ATXN7L1: variants seen among roughly 807,000 people sequenced by gnomAD.
ATXN7L1 encodes ataxin 7 like 1, also known as ataxin-7-like protein 1.
Under a neutral mutation model 70.8 loss-of-function variants are expected in ATXN7L1, and 15 were observed. That is an observed-to-expected ratio of 0.21 (90% confidence interval 0.14 to 0.33). The LOEUF (loss-of-function observed/expected upper bound fraction) is 0.33, where lower values mean the gene tolerates loss of function less well. Among genes scored for constraint, ATXN7L1 ranks in the 10% least tolerant of loss-of-function variants. The pLI is 1.00. For synonymous variants in ATXN7L1, 440 were observed against 445.1 expected (o/e 0.99, Z 0.14); for missense variants, 975 against 1,097.1 (o/e 0.89, Z 1.57).
rs142267369 is a variant in ATXN7L1 at position 105,714,300 on chromosome 7, G to A, written c.356-49012C>T. 1.1e-3 allele frequency among the ~76,000 whole-genome samples: 166 copies of A among 152,274 alleles called. 1 individual carries two copies. The highest frequency in any genetic ancestry group is 1.0e-3 in the Non-Finnish European group (69 of 68,026). ...CAGATGGAGCCCACAGCTCTGGATCGGAGGCATCAGTGCCTCTGGCAGGAA... is the reference window on the plus strand; with the variant it reads ...CAGATGGAGCCCACAGCTCTGGATCAGAGGCATCAGTGCCTCTGGCAGGAA... On this transcript the variant is annotated intron_variant, in intron 3 of 11. Transcript: ENST00000419735.
Position 105,607,582 on chromosome 7 carries a change from T to G in ATXN7L1, c.*270A>C. On this transcript the variant is annotated 3_prime_UTR_variant, in exon 12 of 12. Transcript: ENST00000419735. ...AGGAGCTAGGGGAGTGACCCCAAAT[T>G]TGGAAGAATGTAAAAACATGGCAAA... The G allele has an allele frequency of 2.0e-6, 1 of 503,476 alleles. No homozygotes were observed. Among genetic ancestry groups the G allele is most frequent in the Non-Finnish European group, 3.6e-6 (1 of 280,960 alleles). 31.2% of individuals were successfully genotyped at this position (503,476 alleles called of 1,614,324 possible).
At chr7:105,761,035 A>G in intron 3 of ATXN7L1, 1 of 471,080 alleles carries the variant, frequency 2.1e-6, no homozygotes, top group Non-Finnish European at 2.8e-6. Flanking sequence ...TTTGATTTTG[A>G]TTCTGACTTC....
At chr7:105,824,391 A>C (rs1032166431) in intron 2 of ATXN7L1, among the ~76,000 whole-genome samples, 11 of 152,192 alleles carry the variant, frequency 7.2e-5, no homozygotes, top group Non-Finnish European at 1.5e-4. Flanking sequence ...ATAACCAGGA[A>C]TAGAGGAATA....
chr7:105,820,115 T>G, intron 2 of ATXN7L1: 1 of 142,820 alleles, frequency 7.0e-6, no homozygotes, highest in Non-Finnish European at 1.4e-5. Context: ...CAGTAAAGAC[T>G]GTTTATTCCT....
At chr7:105,746,112 T>C (rs1213597288) in intron 3 of ATXN7L1, among the ~76,000 whole-genome samples, 2 of 152,164 alleles carry the variant, frequency 1.3e-5, no homozygotes, top group Non-Finnish European at 2.9e-5. Context: ...GGCCCTATTT[T>C]CCAAACATAT....
At chr7:105,782,144 A>G (rs1392571644) in intron 3 of ATXN7L1, among the ~76,000 whole-genome samples, 2 of 152,108 alleles carry the variant, frequency 1.3e-5, no homozygotes, top group Non-Finnish European at 2.9e-5. Flanking sequence ...TAGAGCTGGA[A>G]TTTTAATCTA....
At chr7:105,653,512 C>A (rs1584530641) in intron 4 of ATXN7L1, among the ~76,000 whole-genome samples, 1 of 152,188 alleles carries the variant, frequency 6.6e-6, no homozygotes, top group Non-Finnish European at 1.5e-5. Context: ...CAGTTAGAAA[C>A]CAGCTCTTCC....
At chr7:105,813,648 A>G (rs1443871639) in intron 2 of ATXN7L1, among the ~76,000 whole-genome samples, 1 of 152,146 alleles carries the variant, frequency 6.6e-6, no homozygotes, top group East Asian at 1.9e-4. Context: ...ACAATCTATA[A>G]TTTTAATAAT....
rs1792707999 is a variant in ATXN7L1 at position 105,605,178 on chromosome 7, G to A, written c.*2674C>T. The A allele has an allele frequency of 6.6e-6, 1 of 151,586 alleles. No individual in the cohort carries two copies. The highest frequency in any genetic ancestry group is 6.6e-5 in the Admixed American group (1 of 15,158). 9.4% of individuals were successfully genotyped at this position (151,586 alleles called of 1,614,324 possible). On this transcript the variant is annotated 3_prime_UTR_variant, in exon 12 of 12. Coordinates refer to ENST00000419735, the MANE Select transcript of ATXN7L1 (RefSeq NM_020725.2). ...GGCAAAGAGGGGTGTGTGCAGTCAA[G>A]GGGCTGGGAGAGAAGACTGAGTGGG...
At chr7:105,689,647 T>C (rs1275035460) in intron 3 of ATXN7L1, among the ~76,000 whole-genome samples, 1 of 152,080 alleles carries the variant, frequency 6.6e-6, no homozygotes, top group Non-Finnish European at 1.5e-5. Context: ...CAACCAGACA[T>C]ACGGAGGAGG....
intron 2 of ATXN7L1, among the ~76,000 whole-genome samples, chr7:105,871,590 C>G (rs1818276222): frequency 6.6e-6 from 1 of 151,916 alleles, no homozygotes; most frequent in African/African-American, 2.4e-5. Context: ...CATGCCTGGA[C>G]TCCCAGCTAC....
intron 5 of ATXN7L1, among the ~76,000 whole-genome samples, chr7:105,640,577 A>G (rs1376393361): frequency 2.0e-5 from 3 of 152,154 alleles, no homozygotes; most frequent in Non-Finnish European, 1.5e-5. Context: ...TCCGTTACCC[A>G]GGCTGAAGTG....
intron 7 of ATXN7L1, among the ~76,000 whole-genome samples, chr7:105,625,831 T>C (rs1202859214): frequency 6.6e-6 from 1 of 152,226 alleles, no homozygotes; most frequent in Non-Finnish European, 1.5e-5. Flanking sequence ...TGAGGAATAG[T>C]CACAGTTAAC....
At chr7:105,685,570 G>C (rs1225195922) in intron 3 of ATXN7L1, among the ~76,000 whole-genome samples, 1 of 152,154 alleles carries the variant, frequency 6.6e-6, no homozygotes, top group African/African-American at 2.4e-5. Context: ...AAAGAAAAAG[G>C]AGTGGGTCTT....
chr7:105,661,264 T>A (rs929130535), intron 4 of ATXN7L1, among the ~76,000 whole-genome samples: 8 of 152,152 alleles, frequency 5.3e-5, no homozygotes, highest in Non-Finnish European at 1.2e-4. Context: ...CAATAGGTGC[T>A]CATTAAATGT....
intron 2 of ATXN7L1, among the ~76,000 whole-genome samples, chr7:105,830,972 C>G (rs949411290): frequency 1.3e-5 from 2 of 152,238 alleles, no homozygotes; most frequent in Non-Finnish European, 2.9e-5. Flanking sequence ...CCTGGGATAC[C>G]TTGGAAGTAT....
At chr7:105,619,512 AT>A (rs1562900454) in intron 9 of ATXN7L1, among the ~76,000 whole-genome samples, 19 of 14,706 alleles carry the variant, frequency 1.3e-3, no homozygotes, top group Admixed American at 5.8e-3. Context: ...ATATATATAT[AT>A]ATATATATAT....
intron 3 of ATXN7L1, chr7:105,679,097 C>T: frequency 1.0e-6 from 1 of 986,116 alleles, no homozygotes; most frequent in South Asian, 4.7e-5. Flanking sequence ...GAGGCTGACA[C>T]ACGCTGGGCA....
rs146001833 is a variant in ATXN7L1, at chr7:105,612,475, G to T, written c.2472+1387C>A. 2.6e-5 allele frequency among the ~76,000 whole-genome samples: 4 copies of T among 151,916 alleles called. No individual in the cohort carries two copies. The East Asian group carries it at 7.7e-4, about 29-fold the overall frequency. ...GCCCAGGCCTGCTGATTGAGAATCTGCATGTTCACAAGCCCCCCGGGGGAT... is the reference window on the plus strand; with the variant it reads ...GCCCAGGCCTGCTGATTGAGAATCTTCATGTTCACAAGCCCCCCGGGGGAT... On this transcript the variant is annotated intron_variant, in intron 10 of 11. Coordinates refer to ENST00000419735, the MANE Select transcript of ATXN7L1 (RefSeq NM_020725.2).
Sources: gnomAD v4.1 joint callset for allele counts (sites outside exome capture counted in the v4.1 genomes callset) on GRCh38, gnomAD v4.1.1 for gene constraint, MANE v1.5 for transcripts, NCBI Gene and HGNC (gene_info 2026-07-23, HGNC 2026-07-21) for gene names.